HMOX2: variants seen among roughly 807,000 people sequenced by gnomAD.
The protein encoded by HMOX2 is heme oxygenase 2, also known as heme oxygenase (decycling) 2.
HMOX2 carries 30 observed loss-of-function variants against 33.7 expected under a neutral mutation model. That is an observed-to-expected ratio of 0.89 (90% confidence interval 0.67 to 1.21). The LOEUF is 1.21. Among genes scored for constraint, HMOX2 ranks in the 50% most tolerant of loss-of-function variants. HMOX2 has a pLI of 0.00. For missense variants in HMOX2, 403 were observed against 399.1 expected, an observed-to-expected ratio of 1.01 and a Z score of -0.08; for synonymous variants, 155 against 155.0, an observed-to-expected ratio of 1.00 and a Z score of 0.00.
intron 1 of HMOX2, among the ~76,000 whole-genome samples, chr16:4,485,458 A>G (rs1279537120): frequency 6.6e-6 from 1 of 152,218 alleles, no homozygotes; most frequent in Non-Finnish European, 1.5e-5. Flanking sequence ...GGGAAGACAC[A>G]AAACAGTAAA....
At chr16:4,491,998 C>CA (rs1280734905) in intron 1 of HMOX2, among the ~76,000 whole-genome samples, 1 of 151,746 alleles carries the variant, frequency 6.6e-6, no homozygotes, top group Non-Finnish European at 1.5e-5. Context: ...TACTTTCAAA[C>CA]AAAAAATGGA....
chr16:4,500,847 CT>C, intron 1 of HMOX2, among the ~76,000 whole-genome samples: 1 of 152,272 alleles, frequency 6.6e-6, no homozygotes, highest in East Asian at 1.9e-4. Context: ...CTTGAAGTAA[CT>C]GTGATAGGAA....
At chr16:4,503,489 CAA>C (rs1336666211) in intron 1 of HMOX2, among the ~76,000 whole-genome samples, 3 of 152,188 alleles carry the variant, frequency 2.0e-5, no homozygotes, top group Admixed American at 1.3e-4. Context: ...GATTTGGAGT[CAA>C]GAGAAGGTTC....
chr16:4,502,210 C>G (rs998173586), intron 1 of HMOX2, among the ~76,000 whole-genome samples: 5 of 152,136 alleles, frequency 3.3e-5, no homozygotes, highest in African/African-American at 7.2e-5. Context: ...TAGGTGCGAA[C>G]CACTGTGCCT....
Position 4,509,530 on chromosome 16 carries a change from A to C in HMOX2, c.815A>C (p.Gln272Pro), listed in dbSNP as rs1441019422. ...MRKCPFYAAE[Q>P]DKGALEGSSC... is the part of the protein sequence containing the mutation. ...AAATGCCCTTTCTACGCTGCTGAACAAGACAAAGGTAGGTCTGTGTGTCCT... is the reference window on the plus strand; with the variant it reads ...AAATGCCCTTTCTACGCTGCTGAACCAGACAAAGGTAGGTCTGTGTGTCCT... Residue 272 changes from glutamine (Q) to proline (P), a missense_variant, in exon 5 of 6, where the codon CAA becomes CCA. Transcript: ENST00000570646. The C allele has an allele frequency of 6.2e-7, 1 of 1,614,176 alleles. No homozygotes were observed.
chr16:4,484,933 A>C (rs1253757665), intron 1 of HMOX2, among the ~76,000 whole-genome samples: 1 of 152,032 alleles, frequency 6.6e-6, no homozygotes, highest in Non-Finnish European at 1.5e-5. Flanking sequence ...TGTGTAGTAC[A>C]TATGTAGCCA....
chr16:4,482,989 C>T (rs1381312741), intron 1 of HMOX2, among the ~76,000 whole-genome samples: 1 of 151,834 alleles, frequency 6.6e-6, no homozygotes, highest in East Asian at 1.9e-4. Flanking sequence ...GAGATCACGC[C>T]ACCGCACTCC....
chr16:4,478,558 C>A (rs967061971), intron 1 of HMOX2, among the ~76,000 whole-genome samples: 1 of 151,642 alleles, frequency 6.6e-6, no homozygotes, highest in Admixed American at 6.6e-5. Flanking sequence ...AGAGACCAGC[C>A]TGACCAACAT....
At chr16:4,504,759 G>A (rs551805038) in intron 1 of HMOX2, among the ~76,000 whole-genome samples, 2 of 140,854 alleles carry the variant, frequency 1.4e-5, no homozygotes, top group Non-Finnish European at 3.0e-5. Context: ...GCGTGATCTC[G>A]GCTCACTGCA....
intron 1 of HMOX2, among the ~76,000 whole-genome samples, chr16:4,493,020 TTTCTC>T (rs1218250648): frequency 1.3e-5 from 2 of 152,152 alleles, no homozygotes; most frequent in African/African-American, 4.8e-5. Context: ...ATTTTTTTCT[TTTCTC>T]TTCTTTTTCC....
chr16:4,475,258 T>TA (rs757423146), upstream of HMOX2, among the ~76,000 whole-genome samples: 1 of 151,880 alleles, frequency 6.6e-6, no homozygotes, highest in Non-Finnish European at 1.5e-5. Context: ...CAGCCCTAAC[T>TA]CACTTCTGAA....
At chr16:4,499,965 C>G (rs1373783521) in intron 1 of HMOX2, among the ~76,000 whole-genome samples, 1 of 152,156 alleles carries the variant, frequency 6.6e-6, no homozygotes, top group Non-Finnish European at 1.5e-5. Flanking sequence ...CACACAAATC[C>G]TCTATTTAAC....
intron 2 of HMOX2, among the ~76,000 whole-genome samples, chr16:4,506,397 A>G (rs1165317157): frequency 6.6e-6 from 1 of 152,148 alleles, no homozygotes; most frequent in East Asian, 1.9e-4. Flanking sequence ...TCCTAGTCAC[A>G]TATAGTCTCA....
At chr16:4,504,151 C>T (rs1176302208) in intron 1 of HMOX2, among the ~76,000 whole-genome samples, 3 of 152,144 alleles carry the variant, frequency 2.0e-5, no homozygotes, top group Non-Finnish European at 2.9e-5. Flanking sequence ...TTTCCTTCAG[C>T]CTAGCAAAGT....
intron 1 of HMOX2, among the ~76,000 whole-genome samples, chr16:4,491,754 G>A (rs1036582733): frequency 1.3e-5 from 2 of 151,770 alleles, no homozygotes; most frequent in Non-Finnish European, 2.9e-5. Flanking sequence ...TGTCACTCAG[G>A]CTGGAGTGCT....
At position 4,507,993 on chromosome 16, in the gene HMOX2, C is replaced by T. The variant is rs376324998; in HGVS notation, c.485C>T (p.Ser162Leu). Residue 162 changes from serine to leucine, a missense_variant, in exon 4 of 6, where the codon TCG becomes TTG. Transcript: ENST00000570646. ...HAYTRYMGDL[S>L]GGQVLKKVAQ... ...TACACCCGCTACATGGGGGATCTCT[C>T]GGGGGGCCAGGTGCTGAAGAAGGTG... The T allele has an allele frequency of 2.9e-5, 46 of 1,613,740 alleles. No homozygotes were observed. Among genetic ancestry groups the T allele is most frequent in the Admixed American group, 5.0e-5 (3 of 59,984 alleles).
At chr16:4,487,742 G>A (rs2058207178) in intron 1 of HMOX2, among the ~76,000 whole-genome samples, 1 of 151,244 alleles carries the variant, frequency 6.6e-6, no homozygotes, top group Non-Finnish European at 1.5e-5. Context: ...GGAGGTTGCA[G>A]TGAGCTGAGA....
Position 4,507,001 on chromosome 16 carries a change from G to C in HMOX2, c.193G>C (p.Glu65Gln), listed in dbSNP as rs753571806. 6.2e-7 allele frequency: 1 copy of C among 1,607,022 alleles called. No homozygotes were observed. The highest frequency in any genetic ancestry group is 1.3e-5 in the African/African-American group (1 of 74,856). The change falls in exon 3 of 6, where the codon GAG (glutamate) becomes CAG (glutamine). Residue 65 changes from glutamate (E) to glutamine (Q), a missense_variant. Physicochemically the swap from Glu to Gln is conservative, Grantham distance 29. Coordinates refer to ENST00000570646, the MANE Select transcript of HMOX2 (RefSeq NM_002134.4). ...CTTCTTGAAAGGCAACATTAAGAAG[G>C]AGCTGTTTAAGGTTTGTGCCCCGCA... is the stretch of plus-strand genomic sequence containing the variant. The part of the protein sequence containing the change: ...KDFLKGNIKK[E>Q]LFKLATTALY...
At chr16:4,499,421 G>T (rs2058504085) in intron 1 of HMOX2, among the ~76,000 whole-genome samples, 1 of 152,126 alleles carries the variant, frequency 6.6e-6, no homozygotes, top group Non-Finnish European at 1.5e-5. Context: ...AAGACAAATG[G>T]TGCATGATAT....
Sources: gnomAD v4.1 joint callset for allele counts (sites outside exome capture counted in the v4.1 genomes callset) on GRCh38, gnomAD v4.1.1 for gene constraint, MANE v1.5 for transcripts, NCBI Gene and HGNC (gene_info 2026-07-23, HGNC 2026-07-21) for gene names.